CNTN5: variants seen among roughly 807,000 people sequenced by gnomAD.
CNTN5 encodes contactin 5.
Under a neutral mutation model 129.1 loss-of-function variants are expected in CNTN5, and 77 were observed. The ratio of observed to expected loss-of-function variants is 0.60; its 90% CI spans 0.50 to 0.72. The LOEUF is 0.72. CNTN5 is among the 30% of genes least tolerant of loss of function. CNTN5 has a pLI of 0.00. For missense variants in CNTN5, 1,478 were observed against 1,328.8 expected, an observed-to-expected ratio of 1.11 and a Z score of -1.75; for synonymous variants, 509 against 465.6, an observed-to-expected ratio of 1.09 and a Z score of -1.20.
chr11:99,514,365 C>T (rs1946962691), intron 2 of CNTN5, among the ~76,000 whole-genome samples: 2 of 152,010 alleles, frequency 1.3e-5, no homozygotes, highest in Admixed American at 6.6e-5. Flanking sequence ...GTTGATAAAG[C>T]AGCATCAGGG....
Position 100,071,707 on chromosome 11 carries a change from T to C in CNTN5, c.1302T>C (p.Ser434=), listed in dbSNP as rs200121300. The change falls in exon 12 of 25, where the codon AGT becomes AGC. Residue 434 remains serine, a splice_region_variant and synonymous_variant. Coordinates refer to ENST00000524871, the MANE Select transcript of CNTN5 (RefSeq NM_014361.4). Reference sequence around the variant, plus strand: ...TAATTTTTTTAATTCCATTACAGAGTAGGGTTGAGATGGTTAATGGAGTAT... The same window carrying C: ...TAATTTTTTTAATTCCATTACAGAGCAGGGTTGAGATGGTTAATGGAGTAT... The part of the protein sequence containing the change: ...LKNGVPLSPQ[S]RVEMVNGVLM... 2.9e-5 allele frequency: 46 copies of C among 1,572,230 alleles called. No individual in the cohort carries two copies. The highest frequency in any genetic ancestry group is 3.9e-5 in the Non-Finnish European group (45 of 1,159,278).
At chr11:99,499,230 T>C (rs1205787494) in intron 2 of CNTN5, among the ~76,000 whole-genome samples, 1 of 152,200 alleles carries the variant, frequency 6.6e-6, no homozygotes, top group East Asian at 1.9e-4. Flanking sequence ...TTCATGAATT[T>C]TTAACAAAAA....
chr11:99,785,422 A>G (rs577118180), intron 3 of CNTN5, among the ~76,000 whole-genome samples: 16 of 151,906 alleles, frequency 1.1e-4, no homozygotes, highest in South Asian at 8.3e-4. Context: ...CCATTTGACA[A>G]TTTTTCCTTT....
At chr11:100,005,265 G>T (rs923917060) in intron 9 of CNTN5, among the ~76,000 whole-genome samples, 12 of 151,814 alleles carry the variant, frequency 7.9e-5, no homozygotes, top group African/African-American at 2.9e-4. Context: ...GCCTTATCCT[G>T]TCCCCCCCAC....
intron 8 of CNTN5, among the ~76,000 whole-genome samples, chr11:99,985,564 AAG>A (rs1390328258): frequency 6.6e-6 from 1 of 152,162 alleles, no homozygotes; most frequent in African/African-American, 2.4e-5. Context: ...CCAATTGGGA[AAG>A]AGAGGGCAGA....
chr11:99,138,820 T>C (rs1320670377), intron 1 of CNTN5, among the ~76,000 whole-genome samples: 1 of 152,130 alleles, frequency 6.6e-6, no homozygotes, highest in Non-Finnish European at 1.5e-5. Context: ...TGTAAACAAA[T>C]ATGGGCCTCA....
chr11:99,802,843 A>G (rs1946155332), intron 3 of CNTN5, among the ~76,000 whole-genome samples: 1 of 152,190 alleles, frequency 6.6e-6, no homozygotes, highest in Non-Finnish European at 1.5e-5. Context: ...ATGCTTGGAA[A>G]TATGCCTGAA....
chr11:99,554,854 T>C (rs774519867), intron 2 of CNTN5, among the ~76,000 whole-genome samples: 39 of 152,066 alleles, frequency 2.6e-4, no homozygotes, highest in Non-Finnish European at 3.5e-4. Context: ...CTTTAAATTG[T>C]CACAATTAGC....
intron 1 of CNTN5, among the ~76,000 whole-genome samples, chr11:99,226,411 A>T (rs950980749): frequency 2.0e-5 from 3 of 152,194 alleles, no homozygotes; most frequent in Non-Finnish European, 4.4e-5. Flanking sequence ...GTGACTTTGA[A>T]TGATATTCAA....
intron 3 of CNTN5, among the ~76,000 whole-genome samples, chr11:99,588,204 C>T (rs1341877765): frequency 3.9e-5 from 6 of 152,054 alleles, no homozygotes; most frequent in Non-Finnish European, 7.4e-5. Context: ...ATTAGCTGGG[C>T]CTATTGGCGG....
At chr11:100,165,926 A>G (rs1361796394) in intron 13 of CNTN5, among the ~76,000 whole-genome samples, 1 of 151,744 alleles carries the variant, frequency 6.6e-6, no homozygotes, top group African/African-American at 2.4e-5. Context: ...ATAACTAAGG[A>G]AGGATTTTAA....
chr11:99,177,780 T>C (rs1857851023), intron 1 of CNTN5, among the ~76,000 whole-genome samples: 1 of 152,170 alleles, frequency 6.6e-6, no homozygotes, highest in African/African-American at 2.4e-5. Flanking sequence ...GGGGCTGTTT[T>C]TCATGAAAAG....
chr11:100,285,541 T>C (rs189137693), intron 18 of CNTN5, among the ~76,000 whole-genome samples: 85 of 152,354 alleles, frequency 5.6e-4, no homozygotes, highest in Non-Finnish European at 9.3e-4. Context: ...GTAGCCATTT[T>C]CTTTGGTTCT....
intron 8 of CNTN5, among the ~76,000 whole-genome samples, chr11:99,978,352 T>G (rs1011925422): frequency 6.6e-6 from 1 of 152,186 alleles, no homozygotes; most frequent in Non-Finnish European, 1.5e-5. Context: ...TATTTGTGAT[T>G]AACTTAATAT....
chr11:99,564,873 T>A (rs189026337), intron 3 of CNTN5, among the ~76,000 whole-genome samples: 207 of 152,286 alleles, frequency 1.4e-3, no homozygotes, highest in Non-Finnish European at 2.5e-3. Context: ...TCTCCATGTT[T>A]AAACAAACTC....
intron 2 of CNTN5, among the ~76,000 whole-genome samples, chr11:99,363,792 G>A (rs1417660912): frequency 6.6e-6 from 1 of 152,082 alleles, no homozygotes; most frequent in African/African-American, 2.4e-5. Flanking sequence ...AAGTTTCATT[G>A]CAGTTATAAG....
intron 1 of CNTN5, among the ~76,000 whole-genome samples, chr11:99,156,207 A>C (rs1235722703): frequency 2.0e-5 from 3 of 152,080 alleles, no homozygotes; most frequent in African/African-American, 7.2e-5. Flanking sequence ...AAATACAGTA[A>C]GAAAAATCTT....
At chr11:99,369,246 GATAA>G (rs757447608) in intron 2 of CNTN5, among the ~76,000 whole-genome samples, 95 of 91,210 alleles carry the variant, frequency 1.0e-3, no homozygotes, top group African/African-American at 2.8e-3. Context: ...CAAAGGAGCA[GATAA>G]ATAAAGTGCA....
At chr11:99,035,834 G>T (rs1296723148) in intron 1 of CNTN5, among the ~76,000 whole-genome samples, 3 of 149,758 alleles carry the variant, frequency 2.0e-5, no homozygotes, top group East Asian at 4.0e-4. Context: ...TGGTTATTTT[G>T]CTCGTTAGTT....
Sources: gnomAD v4.1 joint callset for allele counts (sites outside exome capture counted in the v4.1 genomes callset) on GRCh38, gnomAD v4.1.1 for gene constraint, MANE v1.5 for transcripts, NCBI Gene and HGNC (gene_info 2026-07-23, HGNC 2026-07-21) for gene names.